The following WDR4 variants were observed in gnomAD, a reference collection of about 807,000 sequenced individuals.
WDR4 encodes the protein tRNA (guanine-N(7)-)-methyltransferase non-catalytic subunit WDR4.
Under a neutral mutation model 48.6 loss-of-function variants are expected in WDR4, and 47 were observed. The ratio of observed to expected loss-of-function variants is 0.97; its 90% CI spans 0.77 to 1.23. The LOEUF (loss-of-function observed/expected upper bound fraction) is 1.23, where lower values mean the gene tolerates loss of function less well. WDR4 is among the 50% of genes most tolerant of loss of function. The probability of loss-of-function intolerance (pLI) is 0.00; values close to 1 mark genes in which losing one functional copy is unlikely to be tolerated. For missense variants in WDR4, 606 were observed against 551.6 expected (o/e 1.10, Z -0.99); for synonymous variants, 268 against 230.0 (o/e 1.17, Z -1.49).
At chr21:42,877,333 G>A (rs982259801) in intron 1 of WDR4, among the ~76,000 whole-genome samples, 9 of 150,674 alleles carry the variant, frequency 6.0e-5, no homozygotes, top group East Asian at 5.9e-4. Flanking sequence ...TGGTAGAGAC[G>A]GGGTTTCGCC....
chr21:42,883,098 C>CA (rs35978225), upstream of WDR4, among the ~76,000 whole-genome samples: 42,048 of 87,260 alleles, frequency 0.48, 11,083 homozygotes, highest in East Asian at 0.66. Flanking sequence ...GACTCCGTCT[C>CA]AAAAAAAAAA....
At chr21:42,853,466 G>T in intron 9 of WDR4, 103 bp downstream of exon 9, 1 of 1,326,866 alleles carries the variant, frequency 7.5e-7, no homozygotes, top group Non-Finnish European at 1.0e-6. Context: ...TGGCTGAGTT[G>T]AAAGAGGCTT....
At chr21:42,845,987 G>A (rs185303526), downstream of WDR4, among the ~76,000 whole-genome samples, 281 of 152,172 alleles carry the variant, frequency 1.8e-3, no homozygotes, top group African/African-American at 6.1e-3. Context: ...ACAAAAATTA[G>A]CCAGCACGCA....
chr21:42,863,602 A>C lies in WDR4; in HGVS notation c.297-6T>G. ...TACACCTCCTTGCCACGGTCCTAGA[A>C]GGCCAGAAAGACACCCCCATTAGCT... On this transcript the variant is annotated splice_region_variant and splice_polypyrimidine_tract_variant and intron_variant, in intron 3 of 10. Coordinates refer to ENST00000398208, the MANE Select transcript of WDR4 (RefSeq NM_018669.6). 6.2e-7 allele frequency: 1 copy of C among 1,610,286 alleles called. No individual in the cohort carries two copies. Among genetic ancestry groups the C allele is most frequent in the Non-Finnish European group, 8.5e-7 (1 of 1,177,616 alleles).
chr21:42,848,794 CGG>C (rs2057740957), downstream of WDR4, among the ~76,000 whole-genome samples: 1 of 62,114 alleles, frequency 1.6e-5, no homozygotes, highest in Non-Finnish European at 3.0e-5. Context: ...CACGATCACG[CGG>C]CGCGCACCTC....
Position 42,862,200 on chromosome 21 carries a change from C to T in WDR4, c.566+82G>A. 1 of 1,334,548 alleles carries T rather than the reference C, an allele frequency of 7.5e-7. No individual in the cohort carries two copies. Among genetic ancestry groups the T allele is most frequent in the Non-Finnish European group, 1.0e-6 (1 of 970,746 alleles). The allele number at this position is 1,334,548 out of a possible 1,614,324, so 82.7% of individuals were successfully genotyped here. A position where few individuals can be genotyped will look rare whatever the true frequency, so the allele number is the denominator to read the frequency against. On this transcript the variant is annotated intron_variant, in intron 5 of 10. Coordinates refer to ENST00000398208, the MANE Select transcript of WDR4 (RefSeq NM_018669.6). This position sits in a 1 kb window ranked among gnomAD's most constrained non-coding sequence, Gnocchi z 4.3. Reference sequence around the variant, plus strand: ...CACCCGCGTGGGGCCTCGCCAGCTACAACGGCACCTGCTGAGCCGCAAGCT... The same window carrying T: ...CACCCGCGTGGGGCCTCGCCAGCTATAACGGCACCTGCTGAGCCGCAAGCT...
chr21:42,876,862 A>T (rs181154463), intron 1 of WDR4, 95 bp from the exon 2 acceptor site: 12 of 1,154,204 alleles, frequency 1.0e-5, no homozygotes, highest in African/African-American at 1.6e-5. Flanking sequence ...CTCGTTGTCC[A>T]GGCTCCAGTA....
intron 3 of WDR4, 134 bp downstream of exon 3, chr21:42,873,417 G>A (rs1478214617): frequency 2.4e-6 from 3 of 1,272,812 alleles, no homozygotes; most frequent in East Asian, 2.3e-5. Flanking sequence ...TGAAAGTGGT[G>A]TCTGGCACTG....
the WDR4 span, among the ~76,000 whole-genome samples, chr21:42,885,209 G>A: frequency 3.3e-3 from 505 of 152,130 alleles, no homozygotes; most frequent in Non-Finnish European, 5.0e-3. Context: ...TAACTTCTAG[G>A]GCAAGTCTTC....
chr21:42,859,542 G>T, intron 6 of WDR4, 120 bp downstream of exon 6: 7 of 666,252 alleles, frequency 1.1e-5, no homozygotes, highest in African/African-American at 2.4e-5. Context: ...AAGATCTAGT[G>T]GACAGCCACA....
At chr21:42,848,752 A>G (rs62650040), downstream of WDR4, among the ~76,000 whole-genome samples, 59 of 18,928 alleles carry the variant, frequency 3.1e-3, 3 homozygotes, top group African/African-American at 6.3e-3. Flanking sequence ...CTCACACAGC[A>G]CACGATCACG....
chr21:42,873,626 C>G lies in WDR4; in HGVS notation c.221G>C (p.Ser74Thr). Reference sequence around the variant, plus strand: ...ACTGTCATCGGTTAAAGCAAAATAGCTGCCAGACTTGGAGAAGGTGGACGC... The same window carrying G: ...ACTGTCATCGGTTAAAGCAAAATAGGTGCCAGACTTGGAGAAGGTGGACGC... ...ILASTFSKSG[S>T]YFALTDDSKR... Residue 74 changes from serine to threonine, a missense_variant, in exon 3 of 11, where the codon AGC (serine) becomes ACC (threonine). Coordinates refer to ENST00000398208, the MANE Select transcript of WDR4 (RefSeq NM_018669.6). The G allele has an allele frequency of 6.2e-7, 1 of 1,614,180 alleles. No homozygotes were observed. Among genetic ancestry groups the G allele is most frequent in the Non-Finnish European group, 8.5e-7 (1 of 1,180,026 alleles).
intron 9 of WDR4, 31 bp downstream of exon 9, chr21:42,853,538 C>A (rs978723494): frequency 3.8e-6 from 6 of 1,593,758 alleles, no homozygotes; most frequent in African/African-American, 1.3e-5. Context: ...AAAGGCAGGG[C>A]ATAGGACATC....
At chr21:42,859,763 C>A in intron 5 of WDR4, 41 bp from the exon 6 acceptor site, 1 of 1,550,190 alleles carries the variant, frequency 6.5e-7, no homozygotes, top group South Asian at 1.2e-5. Flanking sequence ...GCGAGCCCAG[C>A]GCCCGCAGGG....
chr21:42,859,426 A>C (rs1386953082), intron 6 of WDR4, among the ~76,000 whole-genome samples: 1 of 151,738 alleles, frequency 6.6e-6, no homozygotes, highest in Non-Finnish European at 1.5e-5. Flanking sequence ...CCTTCCACAC[A>C]CCCGTGCTAG....
chr21:42,878,144 A>G (rs781621149), intron 1 of WDR4, among the ~76,000 whole-genome samples: 2 of 152,190 alleles, frequency 1.3e-5, no homozygotes, highest in Non-Finnish European at 2.9e-5. Context: ...ATTTAGAAAC[A>G]TATCTCACCT....
the WDR4 span, among the ~76,000 whole-genome samples, chr21:42,888,384 C>A: frequency 1.1e-4 from 16 of 152,096 alleles, no homozygotes; most frequent in Non-Finnish European, 1.9e-4. Flanking sequence ...CATGGTGAAA[C>A]CCTGTCTCTA....
In WDR4 at chr21:42,859,685, C is replaced by A; in HGVS notation, c.604G>T (p.Gly202Trp). The change falls in exon 6 of 11, where the codon GGG (glycine) becomes TGG (tryptophan). Residue 202 changes from glycine (G) to tryptophan (W), a missense_variant. Transcript: ENST00000398208. ...SRISVVPTQP[G>W]LLLSSSGDGT... is the part of the protein sequence containing the mutation. The stretch of plus-strand genomic sequence containing the variant: ...ACCCCAGAGGAGGACAGAAGCAGCC[C>A]GGGCTGAGTTGGCACCACGGAGATA... The A allele has an allele frequency of 1.3e-6, 2 of 1,562,684 alleles. No homozygotes were observed. The highest frequency in any genetic ancestry group is 4.8e-5 in the East Asian group (2 of 41,720).
chr21:42,865,903 GC>G (rs2058234659), intron 3 of WDR4, among the ~76,000 whole-genome samples: 1 of 152,028 alleles, frequency 6.6e-6, no homozygotes, highest in Non-Finnish European at 1.5e-5. Flanking sequence ...AGTTGGCACT[GC>G]CCCAAGCCCC....
Sources: gnomAD v4.1 joint callset for allele counts (sites outside exome capture counted in the v4.1 genomes callset) on GRCh38, gnomAD v4.1.1 for gene constraint, Gnocchi (gnomAD v3.1) non-coding constraint, MANE v1.5 for transcripts, NCBI Gene and HGNC (gene_info 2026-07-23, HGNC 2026-07-21) for gene names.